The following LARGE1 variants were observed in gnomAD, a reference collection of about 807,000 sequenced individuals.
LARGE1 encodes LARGE xylosyl- and glucuronyltransferase 1.
In LARGE1, 43 loss-of-function variants were observed where a neutral mutation model predicts 87.6. The ratio of observed to expected loss-of-function variants is 0.49; its 90% CI spans 0.38 to 0.63. The LOEUF is 0.63. Ranked by LOEUF, LARGE1 falls within the 30% of genes least tolerant of loss-of-function variation. The pLI is 0.00. For missense variants in LARGE1, 802 were observed against 1,000.2 expected, an observed-to-expected ratio of 0.80 and a Z score of 2.67; for synonymous variants, 434 against 394.6, an observed-to-expected ratio of 1.10 and a Z score of -1.18.
chr22:33,524,303 T>A (rs5754586), intron 6 of LARGE1, among the ~76,000 whole-genome samples: 73,233 of 144,650 alleles, frequency 0.51, 19,051 homozygotes, highest in Admixed American at 0.6. Context: ...AAAAAAAAAA[T>A]AATAATAATA....
intron 6 of LARGE1, among the ~76,000 whole-genome samples, chr22:33,468,348 TC>T (rs1020831430): frequency 1.3e-5 from 2 of 152,178 alleles, no homozygotes; most frequent in African/African-American, 4.8e-5. Context: ...ATGCCTCTAG[TC>T]CCAGTCCCTT....
chr22:33,206,245 T>C (rs1924677158), intron 11 of LARGE1, among the ~76,000 whole-genome samples: 1 of 151,498 alleles, frequency 6.6e-6, no homozygotes, highest in South Asian at 2.1e-4. Flanking sequence ...CGTGAGCCAC[T>C]GCGCCCGGCC....
chr22:33,374,743 A>G (rs1281944783), intron 9 of LARGE1, among the ~76,000 whole-genome samples: 1 of 152,192 alleles, frequency 6.6e-6, no homozygotes, highest in Non-Finnish European at 1.5e-5. Flanking sequence ...TTTGCATTAC[A>G]TTTATGGGTA....
chr22:33,183,618 ACG>A (rs776263666), intron 11 of LARGE1, among the ~76,000 whole-genome samples: 8,769 of 107,526 alleles, frequency 0.082, 353 homozygotes, highest in African/African-American at 0.14. Flanking sequence ...ACACACACAC[ACG>A]CACACACACA....
chr22:33,870,858 G>A (rs1035217057), intron 1 of LARGE1, among the ~76,000 whole-genome samples: 4 of 152,132 alleles, frequency 2.6e-5, no homozygotes, highest in Non-Finnish European at 2.9e-5. Context: ...GTGAGCCACC[G>A]TGCCCGGCCT....
the LARGE1 span, among the ~76,000 whole-genome samples, chr22:33,124,360 G>GGAAGGAAGGAAGGAAGGAAGGAAGGAAA: frequency 1.8e-4 from 16 of 90,948 alleles, no homozygotes; most frequent in African/African-American, 6.9e-4. Context: ...AAGGAAAGAA[G>GGAAGGAAGGAAGGAAGGAAGGAAGGAAA]GAAGGAAGGA....
At chr22:33,303,795 TG>T (rs1293177127) in intron 12 of LARGE1, among the ~76,000 whole-genome samples, 1 of 138,216 alleles carries the variant, frequency 7.2e-6, no homozygotes. Context: ...CTAATTTTTT[TG>T]GTATTTTTAG....
chr22:33,312,893 T>G (rs1465183950), intron 11 of LARGE1, among the ~76,000 whole-genome samples: 1 of 152,186 alleles, frequency 6.6e-6, no homozygotes, highest in Non-Finnish European at 1.5e-5. Context: ...AAGAGGGACT[T>G]TGTGGTGAGG....
chr22:33,620,274 C>A (rs542195038), intron 4 of LARGE1, among the ~76,000 whole-genome samples: 1 of 152,238 alleles, frequency 6.6e-6, no homozygotes, highest in Non-Finnish European at 1.5e-5. Flanking sequence ...ATCATGCTAG[C>A]AAACAAATAT....
At chr22:33,338,371 C>T (rs1938737321) in intron 9 of LARGE1, among the ~76,000 whole-genome samples, 1 of 152,130 alleles carries the variant, frequency 6.6e-6, no homozygotes, top group South Asian at 2.1e-4. Context: ...GCTTCGCTGT[C>T]CCTACTTCTC....
chr22:33,734,285 T>G (rs2083573332), intron 2 of LARGE1, among the ~76,000 whole-genome samples: 1 of 152,206 alleles, frequency 6.6e-6, no homozygotes. Flanking sequence ...CAACATCTTT[T>G]GTGGGAGACA....
At position 33,650,597 on chromosome 22, in the gene LARGE1, G is replaced by T; in HGVS notation, c.178C>A (p.Arg60=). 2 of 1,605,108 alleles carry T rather than the reference G, an allele frequency of 1.2e-6. No individual in the cohort carries two copies. Among genetic ancestry groups the T allele is most frequent in the Non-Finnish European group, 1.7e-6 (2 of 1,179,922 alleles). The part of the protein sequence containing the change: ...HSPRYTASSQ[R]ERESLEVRMR... Reference sequence around the variant, plus strand: ...CGCACCTCCAGGCTCTCGCGCTCCCGCTGGCTGGAGGCCGTGTACCTGGGG... The same window carrying T: ...CGCACCTCCAGGCTCTCGCGCTCCCTCTGGCTGGAGGCCGTGTACCTGGGG... The change falls in exon 3 of 15, where the codon CGG becomes AGG. Residue 60 remains arginine (R), a synonymous_variant. Transcript: ENST00000397394.
At chr22:33,578,937 G>GT (rs1270270622) in intron 5 of LARGE1, among the ~76,000 whole-genome samples, 26 of 152,256 alleles carry the variant, frequency 1.7e-4, no homozygotes, top group Admixed American at 4.6e-4. Context: ...CAGAACAAAT[G>GT]TTTCTCCAAT....
intron 6 of LARGE1, among the ~76,000 whole-genome samples, chr22:33,534,458 T>C (rs1602296824): frequency 6.6e-6 from 1 of 150,634 alleles, no homozygotes; most frequent in African/African-American, 2.4e-5. Flanking sequence ...TGACTTCTAC[T>C]GCATCCACGA....
chr22:33,748,289 G>A (rs2084178281), intron 2 of LARGE1, among the ~76,000 whole-genome samples: 2 of 151,742 alleles, frequency 1.3e-5, no homozygotes, highest in South Asian at 4.2e-4. Context: ...CCGCCATCAC[G>A]CCTGCCTAAT....
chr22:33,129,074 C>A, the LARGE1 span, among the ~76,000 whole-genome samples: 1 of 152,120 alleles, frequency 6.6e-6, no homozygotes, highest in African/African-American at 2.4e-5. Context: ...GCACATGTAC[C>A]CCGGAAATTA....
At chr22:33,497,037 G>A (rs980342338) in intron 6 of LARGE1, among the ~76,000 whole-genome samples, 5 of 151,090 alleles carry the variant, frequency 3.3e-5, no homozygotes, top group Non-Finnish European at 7.4e-5. Context: ...ACTCAGGGAA[G>A]TTGGAAACTA....
intron 6 of LARGE1, among the ~76,000 whole-genome samples, chr22:33,506,225 CAG>C (rs2070759031): frequency 6.6e-6 from 1 of 152,052 alleles, no homozygotes; most frequent in South Asian, 2.1e-4. Flanking sequence ...TTTTTGGACT[CAG>C]AGAAAGATAC....
At chr22:33,245,307 C>A (rs5754495) in intron 11 of LARGE1, among the ~76,000 whole-genome samples, 5 of 152,156 alleles carry the variant, frequency 3.3e-5, no homozygotes, top group African/African-American at 1.2e-4. Context: ...TCTCGTGGAG[C>A]TTTCCTGGGT....
Sources: allele counts gnomAD v4.1 joint callset (sites outside exome capture counted in the v4.1 genomes callset), GRCh38; gene constraint gnomAD v4.1.1; transcripts MANE v1.5; gene names NCBI Gene and HGNC (gene_info 2026-07-23, HGNC 2026-07-21).